The following CNTNAP2 variants were observed in gnomAD, a reference collection of about 807,000 sequenced individuals.
CNTNAP2 encodes the protein contactin-associated protein-like 2.
Under a neutral mutation model 155.2 loss-of-function variants are expected in CNTNAP2, and 98 were observed. That is an observed-to-expected ratio of 0.63 (90% CI 0.54 to 0.75). The LOEUF (loss-of-function observed/expected upper bound fraction) is 0.75, where lower values mean the gene tolerates loss of function less well. CNTNAP2 is among the 30% of genes least tolerant of loss of function. The pLI, the probability that CNTNAP2 is intolerant of heterozygous loss-of-function variation, is 0.00. For synonymous variants in CNTNAP2, 651 were observed against 631.2 expected, an observed-to-expected ratio of 1.03 and a Z score of -0.47; for missense variants, 1,727 against 1,688.1, an observed-to-expected ratio of 1.02 and a Z score of -0.40.
At chr7:146,500,673 A>T (rs1797287588) in intron 1 of CNTNAP2, among the ~76,000 whole-genome samples, 1 of 152,126 alleles carries the variant, frequency 6.6e-6, no homozygotes, top group East Asian at 1.9e-4. Context: ...TTTCAAAGGG[A>T]TGGCTTTGTT....
At chr7:146,146,437 C>T (rs1034664960) in intron 1 of CNTNAP2, among the ~76,000 whole-genome samples, 39 of 151,904 alleles carry the variant, frequency 2.6e-4, no homozygotes, top group Admixed American at 6.6e-4. Context: ...TTCCTCTGAC[C>T]TATTCTATTA....
At chr7:146,595,899 T>G (rs1419126358) in intron 1 of CNTNAP2, among the ~76,000 whole-genome samples, 1 of 152,086 alleles carries the variant, frequency 6.6e-6, no homozygotes, top group Admixed American at 6.6e-5. Flanking sequence ...ATAGTCACAC[T>G]TTTTAACTTG....
At chr7:147,854,126 C>A (rs997971324) in intron 13 of CNTNAP2, among the ~76,000 whole-genome samples, 2 of 152,102 alleles carry the variant, frequency 1.3e-5, no homozygotes, top group African/African-American at 4.8e-5. Flanking sequence ...GGCCATTATA[C>A]CAGCTAATTC....
At chr7:146,127,613 C>T (rs981862837) in intron 1 of CNTNAP2, among the ~76,000 whole-genome samples, 10 of 152,136 alleles carry the variant, frequency 6.6e-5, no homozygotes, top group Admixed American at 1.3e-4. Context: ...AAAAGATTTT[C>T]TCTGCTTTTC....
chr7:146,892,458 A>G lies in CNTNAP2; in HGVS notation c.402+52554A>G, dbSNP rs79720886. Among the ~76,000 whole-genome samples the G allele has an allele frequency of 7.8e-3, 1,194 of 152,352 alleles. 15 individuals carry two copies. The highest frequency in any genetic ancestry group is 0.027 in the African/African-American group (1,136 of 41,590). Reference sequence around the variant, plus strand: ...TTCTCCTCTCAATGAGAAGAGAGCCATAGAATTTGTAGCCATCTTAATTTA... The same window carrying G: ...TTCTCCTCTCAATGAGAAGAGAGCCGTAGAATTTGTAGCCATCTTAATTTA... On this transcript the variant is annotated intron_variant, in intron 3 of 23. Transcript: ENST00000361727.
chr7:148,409,479 A>T lies in CNTNAP2; in HGVS notation c.3796+8A>T, dbSNP rs370450725. On this transcript the variant is annotated splice_region_variant and intron_variant, in intron 23 of 23. Coordinates refer to ENST00000361727, the MANE Select transcript of CNTNAP2 (RefSeq NM_014141.6). ...ACTCGGCTATCATTGGAGGTAGGTG[A>T]TGTCTAGAGGAGGCTTATATGGGGC... 9 of 1,612,464 alleles carry T rather than the reference A, an allele frequency of 5.6e-6. No individual in the cohort carries two copies. The African/African-American group carries it at 1.2e-4, about 22-fold the overall frequency.
At chr7:147,635,500 T>A (rs1795164329) in intron 12 of CNTNAP2, among the ~76,000 whole-genome samples, 1 of 152,106 alleles carries the variant, frequency 6.6e-6, no homozygotes, top group South Asian at 2.1e-4. Context: ...ATCTGTCATA[T>A]CGTAAGCACT....
At chr7:147,614,970 A>C (rs1801253652) in intron 12 of CNTNAP2, among the ~76,000 whole-genome samples, 1 of 151,894 alleles carries the variant, frequency 6.6e-6, no homozygotes, top group South Asian at 2.1e-4. Flanking sequence ...TTAAGAATTC[A>C]AGCCACATGT....
rs141844393 is a variant in CNTNAP2 at position 147,320,231 on chromosome 7, C to G, written c.1498+19941C>G. On this transcript the variant is annotated intron_variant, in intron 9 of 23. Coordinates refer to ENST00000361727, the MANE Select transcript of CNTNAP2 (RefSeq NM_014141.6). ...GGAGCCCCTTTCTTTAAGGACACTT[C>G]CTGAAAGATGCTGAAGATATTTCTA... Among the ~76,000 whole-genome samples, 11 of 152,274 alleles carry G rather than the reference C, an allele frequency of 7.2e-5. No individual in the cohort carries two copies. In the East Asian group the frequency reaches 2.1e-3, roughly 30 times the overall value.
intron 8 of CNTNAP2, among the ~76,000 whole-genome samples, chr7:147,182,965 A>G (rs1338983224): frequency 6.6e-6 from 1 of 152,208 alleles, no homozygotes; most frequent in Non-Finnish European, 1.5e-5. Context: ...AATAAATGTG[A>G]TAAGAGCTAA....
chr7:146,448,963 A>T (rs1019188013), intron 1 of CNTNAP2, among the ~76,000 whole-genome samples: 9 of 152,074 alleles, frequency 5.9e-5, no homozygotes, highest in African/African-American at 2.2e-4. Context: ...CATGAATGCT[A>T]AATCTGTTAT....
intron 1 of CNTNAP2, among the ~76,000 whole-genome samples, chr7:146,443,509 G>A (rs541340750): frequency 1.3e-5 from 2 of 152,102 alleles, no homozygotes; most frequent in Non-Finnish European, 2.9e-5. Flanking sequence ...TTAGGACAAA[G>A]CCGTAATAAC....
At chr7:146,451,850 G>GTGTATA (rs1452879198) in intron 1 of CNTNAP2, among the ~76,000 whole-genome samples, 3 of 56,966 alleles carry the variant, frequency 5.3e-5, no homozygotes, top group Admixed American at 2.2e-4. Context: ...ATATATACAC[G>GTGTATA]TATTCTATAT....
chr7:148,296,257 T>C (rs1797282456), intron 21 of CNTNAP2, among the ~76,000 whole-genome samples: 1 of 151,986 alleles, frequency 6.6e-6, no homozygotes, highest in South Asian at 2.1e-4. Flanking sequence ...AATTATCCTG[T>C]GAAATTGGCT....
chr7:147,411,173 A>G (rs1797095857), intron 10 of CNTNAP2, among the ~76,000 whole-genome samples: 1 of 152,202 alleles, frequency 6.6e-6, no homozygotes, highest in African/African-American at 2.4e-5. Context: ...ATCTTTACAG[A>G]CTTAGAAGCC....
At chr7:146,417,612 A>C (rs1437726832) in intron 1 of CNTNAP2, among the ~76,000 whole-genome samples, 1 of 151,736 alleles carries the variant, frequency 6.6e-6, no homozygotes, top group Non-Finnish European at 1.5e-5. Context: ...AATCTGTGAT[A>C]GTTTTTAATC....
At chr7:146,928,092 T>C (rs530522807) in intron 3 of CNTNAP2, among the ~76,000 whole-genome samples, 2 of 152,084 alleles carry the variant, frequency 1.3e-5, no homozygotes, top group African/African-American at 4.8e-5. Context: ...CTCCTGGTAT[T>C]TCTCTTTGTC....
chr7:147,389,129 G>T (rs1056976790), intron 9 of CNTNAP2, among the ~76,000 whole-genome samples: 5 of 152,138 alleles, frequency 3.3e-5, no homozygotes. Flanking sequence ...TGCTCAATGG[G>T]TTTTTGACTA....
intron 1 of CNTNAP2, among the ~76,000 whole-genome samples, chr7:146,569,068 G>C (rs542653913): frequency 1.3e-5 from 2 of 151,836 alleles, no homozygotes; most frequent in South Asian, 2.1e-4. Flanking sequence ...CCAGGCTGGA[G>C]TGCAGTGGCG....
Sources: allele counts gnomAD v4.1 joint callset (sites outside exome capture counted in the v4.1 genomes callset), GRCh38; gene constraint gnomAD v4.1.1; transcripts MANE v1.5; gene names NCBI Gene and HGNC (gene_info 2026-07-23, HGNC 2026-07-21).